SMC1A: variants seen among roughly 807,000 people sequenced by gnomAD.
SMC1A encodes structural maintenance of chromosomes 1A.
Under a neutral mutation model 94.5 loss-of-function variants are expected in SMC1A, and 4 were observed. The observed-to-expected ratio is 0.04, with a 90% CI of 0.02 to 0.10. SMC1A has a LOEUF of 0.10. Ranked by LOEUF, SMC1A falls within the 10% of genes least tolerant of loss-of-function variation. The pLI, the probability that SMC1A is intolerant of heterozygous loss-of-function variation, is 1.00. For missense variants in SMC1A, 304 were observed against 989.0 expected (o/e 0.31, Z 9.29); for synonymous variants, 345 against 347.7 (o/e 0.99, Z 0.09).
intron 1 of SMC1A, among the ~76,000 whole-genome samples, chrX:53,415,706 C>T (rs2075729201): frequency 9.4e-6 from 1 of 106,535 alleles, no homozygotes; most frequent in Admixed American, 1.0e-4. Flanking sequence ...TAGTGGCATG[C>T]GCCTGTAGTC....
At chrX:53,383,302 C>T in intron 19 of SMC1A, 49 bp from the exon 20 acceptor site, 1 of 1,130,812 alleles carries the variant, frequency 8.8e-7, no homozygotes, top group South Asian at 1.9e-5. Flanking sequence ...GCCCCTGTGC[C>T]AAGGCCCCCA....
At chrX:53,383,710 T>C in intron 19 of SMC1A, among the ~76,000 whole-genome samples, 1 of 112,623 alleles carries the variant, frequency 8.9e-6, no homozygotes, top group Middle Eastern at 4.6e-3. Flanking sequence ...TAGAGTTTAG[T>C]TTTAGTTCTT....
At chrX:53,417,338 GT>G (rs1288377299) in intron 1 of SMC1A, among the ~76,000 whole-genome samples, 2 of 108,490 alleles carry the variant, frequency 1.8e-5, no homozygotes, top group Non-Finnish European at 1.9e-5. Flanking sequence ...ATCACCTGAG[GT>G]TGGGGAGTTC....
At chrX:53,405,190 G>A in intron 12 of SMC1A, 41 bp from the exon 13 acceptor site, 1 of 1,211,849 alleles carries the variant, frequency 8.3e-7, no homozygotes, top group Non-Finnish European at 1.1e-6. Flanking sequence ...GTAAGGTGGT[G>A]GCTGACCTAG....
intron 13 of SMC1A, among the ~76,000 whole-genome samples, 181 bp from the exon 14 acceptor site, chrX:53,404,074 C>T (rs2075681742): frequency 9.0e-6 from 1 of 111,405 alleles, no homozygotes. Flanking sequence ...ATGGCTTCTT[C>T]CCTGGCATCC....
chrX:53,381,963 T>C, intron 22 of SMC1A: 1 of 420,507 alleles, frequency 2.4e-6, no homozygotes. Context: ...AAGGGATTAT[T>C]AGCCAGCAAC....
rs1232306280 is a variant in SMC1A, at chrX:53,374,261, A to T, written c.*5842T>A. The T allele has an allele frequency of 8.9e-6, 1 of 111,981 alleles. No homozygotes were observed. The highest frequency in any genetic ancestry group is 1.9e-5 in the Non-Finnish European group (1 of 53,133). The allele number at this position is 111,981 out of a possible 1,213,427, so 9.2% of individuals were successfully genotyped here. ...TTGAAAATGGTTCATGATCCAAAGC[A>T]GCTCTAGAGCCTGGCTTATCTTGTC... On this transcript the variant is annotated 3_prime_UTR_variant, in exon 25 of 25. Coordinates refer to ENST00000322213, the MANE Select transcript of SMC1A (RefSeq NM_006306.4).
chrX:53,411,733 C>G, intron 7 of SMC1A, 28 bp downstream of exon 7: 2 of 1,203,066 alleles, frequency 1.7e-6, no homozygotes, highest in Non-Finnish European at 2.3e-6. Context: ...TGTGGACCAT[C>G]ATCCCTAATC....
rs782264941 is a variant in SMC1A at position 53,402,381 on chromosome X, T to C, written c.2420+1185A>G. ...AGGTTTGTTGAATGAATGAATCAAC[T>C]AAAGTGAGGAAAAATGAGAAGATTA... On this transcript the variant is annotated intron_variant, in intron 15 of 24. Transcript: ENST00000322213. 4.5e-5 allele frequency among the ~76,000 whole-genome samples: 5 copies of C among 110,614 alleles called. No individual in the cohort carries two copies. In the East Asian group the frequency reaches 1.4e-3, roughly 31 times the overall value.
rs782504122 is a variant in SMC1A at position 53,380,583 on chromosome X, G to A, written c.3618+37C>T. On this transcript the variant is annotated intron_variant, in intron 24 of 24. Coordinates refer to ENST00000322213, the MANE Select transcript of SMC1A (RefSeq NM_006306.4). ...CTTTCCTGCCCTGGGAAATCAGGCA[G>A]GGAGTAGGACTGGCTCCTGAGCCAG... is the stretch of plus-strand genomic sequence containing the variant. The A allele has an allele frequency of 6.7e-6, 6 of 901,995 alleles. No homozygotes were observed. The South Asian group carries it at 1.2e-4, about 18-fold the overall frequency. 74.3% of individuals were successfully genotyped at this position (901,995 alleles called of 1,213,427 possible). A position where few individuals can be genotyped will look rare whatever the true frequency, so the allele number is the denominator to read the frequency against.
chrX:53,419,508 C>T (rs2075745841), intron 1 of SMC1A, among the ~76,000 whole-genome samples: 1 of 105,007 alleles, frequency 9.5e-6, no homozygotes, highest in African/African-American at 3.5e-5. Context: ...GCCTTGGTGA[C>T]AGAGCAAGAC....
In SMC1A at chrX:53,399,745, G is replaced by T. The variant is rs1002384123; in HGVS notation, c.2421-15C>A. The T allele has an allele frequency of 6.7e-6, 8 of 1,198,489 alleles. No individual in the cohort carries two copies. Among genetic ancestry groups the T allele is most frequent in the African/African-American group, 1.7e-5 (1 of 57,456 alleles). ...CAAACTCCAAACTGTGTATAAAGGT[G>T]GGGGGAGAATCACTCATAATCTCAT... On this transcript the variant is annotated splice_polypyrimidine_tract_variant and intron_variant, in intron 15 of 24. Transcript: ENST00000322213.
At chrX:53,397,802 A>C (rs1328503451) in intron 16 of SMC1A, among the ~76,000 whole-genome samples, 1 of 111,304 alleles carries the variant, frequency 9.0e-6, no homozygotes, top group East Asian at 2.8e-4. Flanking sequence ...AAAGTAAAAA[A>C]ATTACATATA....
chrX:53,383,017 G>T, intron 20 of SMC1A, 80 bp downstream of exon 20: 1 of 948,399 alleles, frequency 1.1e-6, no homozygotes, highest in Non-Finnish European at 1.5e-6. Context: ...AACAGGAACT[G>T]CTGTGATGTA....
intron 19 of SMC1A, 92 bp from the exon 20 acceptor site, chrX:53,383,345 G>A (rs1556886155): frequency 4.3e-6 from 4 of 923,217 alleles, no homozygotes. Context: ...TGGCCTGGGC[G>A]CCTGCTCCTA....
At chrX:53,390,761 G>C (rs1269321796) in intron 19 of SMC1A, among the ~76,000 whole-genome samples, 2 of 107,581 alleles carry the variant, frequency 1.9e-5, no homozygotes, top group African/African-American at 3.4e-5. Context: ...GGGAGGCTGA[G>C]GCGGGTGGGT....
chrX:53,383,741 C>T (rs1556886191), intron 19 of SMC1A, among the ~76,000 whole-genome samples: 1 of 112,650 alleles, frequency 8.9e-6, no homozygotes, highest in African/African-American at 3.2e-5. Flanking sequence ...CAATGCATGT[C>T]TGGGCTTGTG....
intron 16 of SMC1A, among the ~76,000 whole-genome samples, chrX:53,397,877 C>T (rs1556888266): frequency 9.0e-6 from 1 of 111,100 alleles, no homozygotes; most frequent in Non-Finnish European, 1.9e-5. Flanking sequence ...GCCCAAGCTA[C>T]AACTGCATTT....
At chrX:53,410,367 G>A (rs1005905413) in intron 7 of SMC1A, among the ~76,000 whole-genome samples, 5 of 110,493 alleles carry the variant, frequency 4.5e-5, no homozygotes, top group Non-Finnish European at 9.5e-5. Flanking sequence ...GAGGCGGGCG[G>A]ATCACTTGAG....
Sources: allele counts gnomAD v4.1 joint callset (sites outside exome capture counted in the v4.1 genomes callset), GRCh38; gene constraint gnomAD v4.1.1; transcripts MANE v1.5; gene names NCBI Gene and HGNC (gene_info 2026-07-23, HGNC 2026-07-21).